The following TMEM131L variants were observed in gnomAD, a reference collection of about 807,000 sequenced individuals.
The protein encoded by TMEM131L is transmembrane protein 131-like.
A neutral mutation model predicts 192.2 loss-of-function variants in TMEM131L; 54 were observed. The observed-to-expected ratio is 0.28, with a 90% CI of 0.23 to 0.35. The LOEUF is 0.35. TMEM131L is among the 10% of genes least tolerant of loss of function. TMEM131L has a pLI of 1.00. For missense variants in TMEM131L, 1,888 were observed against 1,972.9 expected (o/e 0.96, Z 0.82); for synonymous variants, 701 against 704.9 (o/e 0.99, Z 0.09).
chr4:153,533,197 C>G (rs963216412), intron 3 of TMEM131L, among the ~76,000 whole-genome samples: 3 of 152,084 alleles, frequency 2.0e-5, no homozygotes, highest in Non-Finnish European at 2.9e-5. Context: ...GTTGGTCAGG[C>G]TGGTCTCGAA....
In TMEM131L at chr4:153,592,515, T is replaced by C. The variant is rs1302425617; in HGVS notation, c.1853T>C (p.Val618Ala). The change falls in exon 18 of 35, where the codon GTC becomes GCC. Residue 618 changes from valine (V) to alanine (A), a missense_variant. Coordinates refer to ENST00000409959, the MANE Select transcript of TMEM131L (RefSeq NM_001131007.2). Reference sequence around the variant, plus strand: ...GTGCAGAACCCGTCCTCTTGGCCGGTCTCCTTGCAGCTCCTGCCTCTCTCC... The same window carrying C: ...GTGCAGAACCCGTCCTCTTGGCCGGCCTCCTTGCAGCTCCTGCCTCTCTCC... ...FVVQNPSSWP[V>A]SLQLLPLSLY... 1 of 1,614,050 alleles carries C rather than the reference T, an allele frequency of 6.2e-7. No individual in the cohort carries two copies. The highest frequency in any genetic ancestry group is 8.5e-7 in the Non-Finnish European group (1 of 1,180,030).
chr4:153,477,995 A>C (rs1160092241), intron 3 of TMEM131L, among the ~76,000 whole-genome samples: 9 of 152,214 alleles, frequency 5.9e-5, no homozygotes, highest in Non-Finnish European at 1.0e-4. Flanking sequence ...GCCTGGATTC[A>C]TTTTAAAACT....
intron 3 of TMEM131L, among the ~76,000 whole-genome samples, chr4:153,512,314 C>T (rs1405943545): frequency 6.6e-6 from 1 of 152,098 alleles, no homozygotes; most frequent in Non-Finnish European, 1.5e-5. Context: ...ATAGTTTCTC[C>T]AGGTCTCTTT....
intron 2 of TMEM131L, among the ~76,000 whole-genome samples, chr4:153,473,403 G>A (rs1361366210): frequency 2.6e-5 from 4 of 152,154 alleles, no homozygotes; most frequent in Non-Finnish European, 5.9e-5. Context: ...CTGCTGTGTT[G>A]GAAGAAAGGA....
At chr4:153,566,077 A>T (rs1013442621) in intron 7 of TMEM131L, among the ~76,000 whole-genome samples, 1 of 152,044 alleles carries the variant, frequency 6.6e-6, no homozygotes, top group South Asian at 2.1e-4. Flanking sequence ...AATTATTATT[A>T]TTGGAATCAT....
chr4:153,500,907 G>A (rs907509002), intron 3 of TMEM131L, among the ~76,000 whole-genome samples: 3 of 152,038 alleles, frequency 2.0e-5, no homozygotes, highest in Admixed American at 1.3e-4. Flanking sequence ...CAGAGACGCC[G>A]TTTAATGATC....
intron 5 of TMEM131L, among the ~76,000 whole-genome samples, chr4:153,556,290 C>T (rs1425797927): frequency 6.6e-6 from 1 of 152,110 alleles, no homozygotes; most frequent in Non-Finnish European, 1.5e-5. Context: ...AGACCTCTTC[C>T]ATCTCTCAAG....
intron 3 of TMEM131L, among the ~76,000 whole-genome samples, chr4:153,483,593 G>A (rs761565898): frequency 1.3e-5 from 2 of 152,112 alleles, no homozygotes; most frequent in Admixed American, 6.5e-5. Flanking sequence ...CCAGCTACTC[G>A]GCAGGCTGAG....
At chr4:153,531,493 GT>G (rs764407374) in intron 3 of TMEM131L, among the ~76,000 whole-genome samples, 7 of 152,106 alleles carry the variant, frequency 4.6e-5, no homozygotes, top group Non-Finnish European at 8.8e-5. Flanking sequence ...TCCCTCTTTT[GT>G]TATTACTGGA....
At position 153,540,807 on chromosome 4, in the gene TMEM131L, G is replaced by A. The variant is rs58768516; in HGVS notation, c.240-9266G>A. 4.2e-3 allele frequency among the ~76,000 whole-genome samples: 638 copies of A among 152,242 alleles called. 5 individuals are homozygous for A. Among genetic ancestry groups the A allele is most frequent in the Middle Eastern group, 0.031 (9 of 294 alleles). On this transcript the variant is annotated intron_variant, in intron 3 of 34. Transcript: ENST00000409959. ...TTGGTTTTCTAAAAATAACATGCAC[G>A]GTAATGCATGAGCTTGCATTGTCCA... is the stretch of plus-strand genomic sequence containing the variant.
At chr4:153,563,395 C>T (rs1196332181) in intron 7 of TMEM131L, among the ~76,000 whole-genome samples, 1 of 149,248 alleles carries the variant, frequency 6.7e-6, no homozygotes, top group Non-Finnish European at 1.5e-5. Context: ...TCTTTTGCTG[C>T]TGCAAACTTA....
intron 3 of TMEM131L, among the ~76,000 whole-genome samples, chr4:153,501,685 C>T (rs1429541247): frequency 6.6e-6 from 1 of 152,126 alleles, no homozygotes; most frequent in African/African-American, 2.4e-5. Context: ...GGACCAGTTT[C>T]ATGAGACAGA....
intron 3 of TMEM131L, among the ~76,000 whole-genome samples, chr4:153,486,041 C>G (rs1732307201): frequency 6.6e-6 from 1 of 152,134 alleles, no homozygotes; most frequent in African/African-American, 2.4e-5. Flanking sequence ...AAGCCACTTT[C>G]CCAATTAGAT....
intron 3 of TMEM131L, among the ~76,000 whole-genome samples, chr4:153,501,743 T>C (rs1257479271): frequency 6.6e-6 from 1 of 152,042 alleles, no homozygotes; most frequent in African/African-American, 2.4e-5. Context: ...ATACTGCTTA[T>C]CTGAGAGAGC....
At chr4:153,484,593 C>G (rs1279465504) in intron 3 of TMEM131L, among the ~76,000 whole-genome samples, 3 of 150,508 alleles carry the variant, frequency 2.0e-5, no homozygotes, top group Admixed American at 2.0e-4. Context: ...CTCAGCCTCC[C>G]GAGTAGCTGG....
chr4:153,634,010 G>A (rs1485523804), intron 32 of TMEM131L, among the ~76,000 whole-genome samples, 182 bp from the exon 33 acceptor site: 1 of 152,208 alleles, frequency 6.6e-6, no homozygotes, highest in African/African-American at 2.4e-5. Context: ...CAGATGGCAT[G>A]TCACTAGTGA....
chr4:153,566,410 C>T (rs1340457693), intron 7 of TMEM131L, among the ~76,000 whole-genome samples: 1 of 152,152 alleles, frequency 6.6e-6, no homozygotes, highest in Non-Finnish European at 1.5e-5. Context: ...GCCGGGATTA[C>T]AGGCATGAGC....
At chr4:153,595,275 A>T (rs1731349343) in intron 19 of TMEM131L, among the ~76,000 whole-genome samples, 1 of 152,138 alleles carries the variant, frequency 6.6e-6, no homozygotes, top group African/African-American at 2.4e-5. Context: ...AGAACATTGG[A>T]GTTTTTTATA....
intron 3 of TMEM131L, among the ~76,000 whole-genome samples, chr4:153,486,942 C>T (rs77404512): frequency 0.015 from 2,322 of 152,286 alleles, 57 homozygotes; most frequent in African/African-American, 0.054. Flanking sequence ...CTGAGCTCAG[C>T]GAGAAATGAG....
Sources: gnomAD v4.1 joint callset for allele counts (sites outside exome capture counted in the v4.1 genomes callset) on GRCh38, gnomAD v4.1.1 for gene constraint, MANE v1.5 for transcripts, NCBI Gene and HGNC (gene_info 2026-07-23, HGNC 2026-07-21) for gene names.